H2BC14: variants seen among roughly 807,000 people sequenced by gnomAD.
H2BC14 encodes H2B clustered histone 14.
A neutral mutation model predicts 6.3 loss-of-function variants in H2BC14; 17 were observed. The ratio of observed to expected loss-of-function variants is 2.70; its 90% CI spans 1.84 to 4.04. H2BC14 has a LOEUF of 4.04. Among genes scored for constraint, H2BC14 ranks in the 30% most tolerant of loss-of-function variants. H2BC14 has a pLI of 0.00. For synonymous variants in H2BC14, 131 were observed against 69.0 expected (o/e 1.90, Z -4.45); for missense variants, 235 against 165.1 (o/e 1.42, Z -2.32).
In H2BC14 at chr6:27,815,103, C is replaced by T. The variant is rs777382677; in HGVS notation, c.60C>T (p.Asn20=). The T allele has an allele frequency of 5.0e-6, 8 of 1,614,112 alleles. No homozygotes were observed. The highest frequency in any genetic ancestry group is 4.5e-5 in the East Asian group (2 of 44,888). The change falls in exon 1 of 1, where the codon AAC becomes AAT. Residue 20 remains asparagine, a synonymous_variant. Coordinates refer to ENST00000621112, the MANE Select transcript of H2BC14 (RefSeq NM_003521.3). ...AAAAAGGCTCCAAGAAGGCCATTAA[C>T]AAGGCTCAGAAGAAGGATGGAAAGA... ...VPKKGSKKAI[N]KAQKKDGKKR...
Position 27,815,448 on chromosome 6 carries a change from C to T in H2BC14, c.*24C>T. The stretch of plus-strand genomic sequence containing the variant: ...GAGCCTCTCGCTGCAGTAACAGTTC[C>T]GCCGTGACCCACACCCCAAAGGCTC... On this transcript the variant is annotated 3_prime_UTR_variant, in exon 1 of 1. Transcript: ENST00000621112. 6.2e-7 allele frequency: 1 copy of T among 1,611,908 alleles called. No individual in the cohort carries two copies. Among genetic ancestry groups the T allele is most frequent in the South Asian group, 1.1e-5 (1 of 90,950 alleles).
At position 27,815,412 on chromosome 6, in the gene H2BC14, C is replaced by T. The variant is rs569068697; in HGVS notation, c.369C>T (p.Thr123=). ...SEGTKAVTKY[T]SSK is the part of the protein sequence containing the mutation. The stretch of plus-strand genomic sequence containing the variant: ...GCACCAAGGCCGTCACCAAGTATAC[C>T]AGCTCCAAGTGAGCCTCTCGCTGCA... Residue 123 remains threonine (T), a synonymous_variant, in exon 1 of 1, where the codon ACC becomes ACT. Transcript: ENST00000621112. 1.5e-5 allele frequency: 24 copies of T among 1,614,146 alleles called. No individual in the cohort carries two copies. The African/African-American group carries it at 2.4e-4, about 16-fold the overall frequency.
Position 27,815,040 on chromosome 6 carries a change from C to T in H2BC14, c.-4C>T, listed in dbSNP as rs1204981546. On this transcript the variant is annotated 5_prime_UTR_variant, in exon 1 of 1. Transcript: ENST00000621112. ...TAAGGTTGTCTTTTATTTTGTTTTC[C>T]ACCATGCCTGAACCAGTCAAATCTG... 4 of 1,582,096 alleles carry T rather than the reference C, an allele frequency of 2.5e-6. No individual in the cohort carries two copies. Among genetic ancestry groups the T allele is most frequent in the Admixed American group, 1.9e-5 (1 of 52,108 alleles).
In H2BC14 at chr6:27,815,454, G is replaced by C; in HGVS notation, c.*30G>C. 6.2e-7 allele frequency: 1 copy of C among 1,610,778 alleles called. No homozygotes were observed. Among genetic ancestry groups the C allele is most frequent in the Non-Finnish European group, 8.5e-7 (1 of 1,178,792 alleles). On this transcript the variant is annotated 3_prime_UTR_variant, in exon 1 of 1. Coordinates refer to ENST00000621112, the MANE Select transcript of H2BC14 (RefSeq NM_003521.3). ...CTCGCTGCAGTAACAGTTCCGCCGT[G>C]ACCCACACCCCAAAGGCTCTTTTCA...
rs750942037 is a variant in H2BC14, at chr6:27,815,096, C to T, written c.53C>T (p.Ala18Val). 2.5e-5 allele frequency: 41 copies of T among 1,613,890 alleles called. No individual in the cohort carries two copies. In the South Asian group the frequency reaches 3.6e-4, roughly 14 times the overall value. The change falls in exon 1 of 1, where the codon GCC (alanine) becomes GTC (valine). Residue 18 changes from alanine to valine, a missense_variant. Ala to Val is a moderately conservative substitution (Grantham distance 64, BLOSUM62 0). Coordinates refer to ENST00000621112, the MANE Select transcript of H2BC14 (RefSeq NM_003521.3). ...GTCCCTAAAAAAGGCTCCAAGAAGGCCATTAACAAGGCTCAGAAGAAGGAT... is the reference window on the plus strand; with the variant it reads ...GTCCCTAAAAAAGGCTCCAAGAAGGTCATTAACAAGGCTCAGAAGAAGGAT... ...APVPKKGSKK[A>V]INKAQKKDGK...
chr6:27,815,063 C>A lies in H2BC14; in HGVS notation c.20C>A (p.Ser7Tyr). The A allele has an allele frequency of 6.2e-7, 1 of 1,611,696 alleles. No individual in the cohort carries two copies. The highest frequency in any genetic ancestry group is 8.5e-7 in the Non-Finnish European group (1 of 1,178,860). Reference sequence around the variant, plus strand: ...TCCACCATGCCTGAACCAGTCAAATCTGCTCCAGTCCCTAAAAAAGGCTCC... The same window carrying A: ...TCCACCATGCCTGAACCAGTCAAATATGCTCCAGTCCCTAAAAAAGGCTCC... MPEPVK[S>Y]APVPKKGSKK... Residue 7 changes from serine (S) to tyrosine (Y), a missense_variant, in exon 1 of 1, where the codon TCT becomes TAT. Ser to Tyr is a moderately radical substitution (Grantham distance 144, BLOSUM62 -2). Transcript: ENST00000621112.
chr6:27,815,190 C>A lies in H2BC14; in HGVS notation c.147C>A (p.Val49=). ...ATGTGTACAAGGTGCTGAAGCAGGT[C>A]CACCCCGACACCGGCATCTCTTCCA... The part of the protein sequence containing the change: ...SVYVYKVLKQ[V]HPDTGISSKA... The change falls in exon 1 of 1, where the codon GTC becomes GTA. Residue 49 remains valine, a synonymous_variant. Coordinates refer to ENST00000621112, the MANE Select transcript of H2BC14 (RefSeq NM_003521.3). 1.2e-6 allele frequency: 2 copies of A among 1,614,228 alleles called. No individual in the cohort carries two copies. The highest frequency in any genetic ancestry group is 1.7e-6 in the Non-Finnish European group (2 of 1,180,048).
chr6:27,815,141 G>A lies in H2BC14; in HGVS notation c.98G>A (p.Ser33Asn), dbSNP rs1407325808. Residue 33 changes from serine (S) to asparagine (N), a missense_variant, in exon 1 of 1, where the codon AGC (serine) becomes AAC (asparagine). Ser to Asn is a conservative substitution (Grantham distance 46). Transcript: ENST00000621112. ...AAGGATGGAAAGAAGCGCAAACGCA[G>A]CCGCAAGGAGAGCTACTCTGTGTAT... ...QKKDGKKRKR[S>N]RKESYSVYVY... 2.5e-6 allele frequency: 4 copies of A among 1,614,224 alleles called. No individual in the cohort carries two copies. The highest frequency in any genetic ancestry group is 2.2e-5 in the South Asian group (2 of 91,084).
Position 27,815,273 on chromosome 6 carries a change from A to G in H2BC14, c.230A>G (p.Glu77Gly). The G allele has an allele frequency of 6.2e-7, 1 of 1,614,240 alleles. No homozygotes were observed. Among genetic ancestry groups the G allele is most frequent in the Non-Finnish European group, 8.5e-7 (1 of 1,180,050 alleles). Residue 77 changes from glutamate (E) to glycine (G), a missense_variant, in exon 1 of 1, where the codon GAA becomes GGA. By Grantham distance (98) the Glu-to-Gly change is moderately conservative. Coordinates refer to ENST00000621112, the MANE Select transcript of H2BC14 (RefSeq NM_003521.3). ...VNDIFERIAG[E>G]ASRLAHYNKR... ...GACATCTTTGAGCGTATCGCCGGAG[A>G]AGCGTCACGCCTGGCGCATTACAAC... is the stretch of plus-strand genomic sequence containing the variant.
Position 27,815,303 on chromosome 6 carries a change from G to C in H2BC14, c.260G>C (p.Arg87Pro). Residue 87 changes from arginine (R) to proline (P), a missense_variant, in exon 1 of 1, where the codon CGC becomes CCC. Arg to Pro is a moderately radical substitution (Grantham distance 103). Coordinates refer to ENST00000621112, the MANE Select transcript of H2BC14 (RefSeq NM_003521.3). The part of the protein sequence containing the change: ...EASRLAHYNK[R>P]STITSREIQT... ...TCACGCCTGGCGCATTACAACAAGC[G>C]CTCGACCATCACTTCGAGGGAGATC... 1.2e-6 allele frequency: 2 copies of C among 1,614,188 alleles called. No homozygotes were observed. Among genetic ancestry groups the C allele is most frequent in the Non-Finnish European group, 8.5e-7 (1 of 1,180,030 alleles).
rs370894477 is a variant in H2BC14, at chr6:27,815,427, C to T, written c.*3C>T. ...CCAAGTATACCAGCTCCAAGTGAGCCTCTCGCTGCAGTAACAGTTCCGCCG... is the reference window on the plus strand; with the variant it reads ...CCAAGTATACCAGCTCCAAGTGAGCTTCTCGCTGCAGTAACAGTTCCGCCG... On this transcript the variant is annotated 3_prime_UTR_variant, in exon 1 of 1. Transcript: ENST00000621112. 4 of 1,613,156 alleles carry T rather than the reference C, an allele frequency of 2.5e-6. No individual in the cohort carries two copies. The South Asian group carries it at 4.4e-5, about 18-fold the overall frequency.
rs780304513 is a variant in H2BC14 at position 27,815,471 on chromosome 6, C to T, written c.*47C>T. 6.1e-5 allele frequency: 97 copies of T among 1,602,356 alleles called. No homozygotes were observed. The highest frequency in any genetic ancestry group is 7.7e-5 in the Non-Finnish European group (90 of 1,175,692). On this transcript the variant is annotated 3_prime_UTR_variant, in exon 1 of 1. Coordinates refer to ENST00000621112, the MANE Select transcript of H2BC14 (RefSeq NM_003521.3). The stretch of plus-strand genomic sequence containing the variant: ...TCCGCCGTGACCCACACCCCAAAGG[C>T]TCTTTTCAGAGCCGTCCACGTTTCT...
At position 27,815,252 on chromosome 6, in the gene H2BC14, T is replaced by A; in HGVS notation, c.209T>A (p.Ile70Asn). The stretch of plus-strand genomic sequence containing the variant: ...ATCATGAACTCCTTCGTCAACGACA[T>A]CTTTGAGCGTATCGCCGGAGAAGCG... ...MGIMNSFVND[I>N]FERIAGEASR... Residue 70 changes from isoleucine (I) to asparagine (N), a missense_variant, in exon 1 of 1, where the codon ATC becomes AAC. Ile to Asn is a moderately radical substitution (Grantham distance 149). Transcript: ENST00000621112. 1.9e-6 allele frequency: 3 copies of A among 1,614,256 alleles called. No individual in the cohort carries two copies. The highest frequency in any genetic ancestry group is 2.5e-6 in the Non-Finnish European group (3 of 1,180,048).
chr6:27,815,203 G>T lies in H2BC14; in HGVS notation c.160G>T (p.Gly54Cys). Residue 54 changes from glycine (G) to cysteine (C), a missense_variant, in exon 1 of 1, where the codon GGC becomes TGC. Coordinates refer to ENST00000621112, the MANE Select transcript of H2BC14 (RefSeq NM_003521.3). ...KVLKQVHPDTGISSKAMGIMN... is the reference protein window; with the variant it reads ...KVLKQVHPDTCISSKAMGIMN... ...GCTGAAGCAGGTCCACCCCGACACCGGCATCTCTTCCAAGGCTATGGGAAT... is the reference window on the plus strand; with the variant it reads ...GCTGAAGCAGGTCCACCCCGACACCTGCATCTCTTCCAAGGCTATGGGAAT... The T allele has an allele frequency of 1.9e-6, 3 of 1,614,204 alleles. No homozygotes were observed. The highest frequency in any genetic ancestry group is 2.5e-6 in the Non-Finnish European group (3 of 1,180,038).
At position 27,815,093 on chromosome 6, in the gene H2BC14, A is replaced by G. The variant is rs373433482; in HGVS notation, c.50A>G (p.Lys17Arg). Residue 17 changes from lysine to arginine, a missense_variant, in exon 1 of 1, where the codon AAG (lysine) becomes AGG (arginine). Lys to Arg is a conservative substitution (Grantham distance 26). Coordinates refer to ENST00000621112, the MANE Select transcript of H2BC14 (RefSeq NM_003521.3). ...CCAGTCCCTAAAAAAGGCTCCAAGA[A>G]GGCCATTAACAAGGCTCAGAAGAAG... ...SAPVPKKGSK[K>R]AINKAQKKDG... is the part of the protein sequence containing the mutation. The G allele has an allele frequency of 1.1e-5, 18 of 1,613,890 alleles. No individual in the cohort carries two copies. The highest frequency in any genetic ancestry group is 1.5e-5 in the Non-Finnish European group (18 of 1,179,954).
chr6:27,815,471 C>G lies in H2BC14; in HGVS notation c.*47C>G. The G allele has an allele frequency of 6.2e-7, 1 of 1,602,474 alleles. No homozygotes were observed. Among genetic ancestry groups the G allele is most frequent in the East Asian group, 2.2e-5 (1 of 44,840 alleles). Reference sequence around the variant, plus strand: ...TCCGCCGTGACCCACACCCCAAAGGCTCTTTTCAGAGCCGTCCACGTTTCT... The same window carrying G: ...TCCGCCGTGACCCACACCCCAAAGGGTCTTTTCAGAGCCGTCCACGTTTCT... On this transcript the variant is annotated 3_prime_UTR_variant, in exon 1 of 1. Coordinates refer to ENST00000621112, the MANE Select transcript of H2BC14 (RefSeq NM_003521.3).
chr6:27,815,476 T>G lies in H2BC14; in HGVS notation c.*52T>G. The G allele has an allele frequency of 6.3e-7, 1 of 1,587,798 alleles. No homozygotes were observed. The highest frequency in any genetic ancestry group is 8.5e-7 in the Non-Finnish European group (1 of 1,169,722). On this transcript the variant is annotated 3_prime_UTR_variant, in exon 1 of 1. Coordinates refer to ENST00000621112, the MANE Select transcript of H2BC14 (RefSeq NM_003521.3). Reference sequence around the variant, plus strand: ...CGTGACCCACACCCCAAAGGCTCTTTTCAGAGCCGTCCACGTTTCTCAAGA... The same window carrying G: ...CGTGACCCACACCCCAAAGGCTCTTGTCAGAGCCGTCCACGTTTCTCAAGA...
chr6:27,815,385 G>A lies in H2BC14; in HGVS notation c.342G>A (p.Glu114=). Residue 114 remains glutamate (E), a synonymous_variant, in exon 1 of 1, where the codon GAG becomes GAA. Coordinates refer to ENST00000621112, the MANE Select transcript of H2BC14 (RefSeq NM_003521.3). ...AATTGGCCAAGCACGCCGTGTCCGA[G>A]GGCACCAAGGCCGTCACCAAGTATA... ...PGELAKHAVS[E]GTKAVTKYTS... 6.2e-7 allele frequency: 1 copy of A among 1,614,176 alleles called. No individual in the cohort carries two copies. Among genetic ancestry groups the A allele is most frequent in the Non-Finnish European group, 8.5e-7 (1 of 1,180,038 alleles).
At position 27,815,281 on chromosome 6, in the gene H2BC14, C is replaced by A; in HGVS notation, c.238C>A (p.Arg80Ser). 2.5e-6 allele frequency: 4 copies of A among 1,614,226 alleles called. No homozygotes were observed. Among genetic ancestry groups the A allele is most frequent in the Non-Finnish European group, 3.4e-6 (4 of 1,180,040 alleles). The change falls in exon 1 of 1, where the codon CGC becomes AGC. Residue 80 changes from arginine to serine, a missense_variant. Physicochemically the swap from Arg to Ser is moderately radical, Grantham distance 110. Transcript: ENST00000621112. ...TGAGCGTATCGCCGGAGAAGCGTCACGCCTGGCGCATTACAACAAGCGCTC... is the reference window on the plus strand; with the variant it reads ...TGAGCGTATCGCCGGAGAAGCGTCAAGCCTGGCGCATTACAACAAGCGCTC... ...IFERIAGEAS[R>S]LAHYNKRSTI...
Sources: gnomAD v4.1 joint callset for allele counts on GRCh38, gnomAD v4.1.1 for gene constraint, MANE v1.5 for transcripts, NCBI Gene and HGNC (gene_info 2026-07-23, HGNC 2026-07-21) for gene names.